Variants in SLC24A2 observed in about 807,000 individuals in gnomAD.
SLC24A2 encodes the protein sodium/potassium/calcium exchanger 2.
In SLC24A2, 36 loss-of-function variants were observed where a neutral mutation model predicts 62.0. The observed-to-expected ratio is 0.58, with a 90% confidence interval of 0.44 to 0.77. The LOEUF is 0.77. Ranked by LOEUF, SLC24A2 falls within the 30% of genes least tolerant of loss-of-function variation. The pLI is 0.00. For missense variants in SLC24A2, 846 were observed against 817.9 expected, an observed-to-expected ratio of 1.03 and a Z score of -0.42; for synonymous variants, 358 against 294.0, an observed-to-expected ratio of 1.22 and a Z score of -2.23.
chr9:19,960,757 C>T, the SLC24A2 span, among the ~76,000 whole-genome samples: 2 of 152,108 alleles, frequency 1.3e-5, no homozygotes, highest in African/African-American at 4.8e-5. Flanking sequence ...ACATAATCTC[C>T]AAGCTGTGGT....
chr9:19,847,491 G>A, the SLC24A2 span, among the ~76,000 whole-genome samples: 2,258 of 151,996 alleles, frequency 0.015, 20 homozygotes, highest in Middle Eastern at 0.045. Context: ...CTCTCTCCTG[G>A]GTTATTATTC....
At chr9:19,822,326 G>A in the SLC24A2 span, among the ~76,000 whole-genome samples, 1 of 152,104 alleles carries the variant, frequency 6.6e-6, no homozygotes, top group Non-Finnish European at 1.5e-5. Context: ...GTCACCTATG[G>A]ACCAGACAGT....
rs1823194075 is a variant in SLC24A2, at chr9:19,786,963, G to T, written c.-97C>A. ...TTACTTTATAGTTAACGATGCTTGT[G>T]GGGTACTTTCACAATCAGGGATTGT... On this transcript the variant is annotated 5_prime_UTR_variant, in exon 2 of 11. Transcript: ENST00000341998. The surrounding 1 kb of genome is among the most constrained non-coding windows in gnomAD (Gnocchi z 5.0). 1.3e-6 allele frequency: 2 copies of T among 1,516,266 alleles called. No individual in the cohort carries two copies. Among genetic ancestry groups the T allele is most frequent in the African/African-American group, 1.4e-5 (1 of 72,514 alleles). The allele number at this position is 1,516,266 out of a possible 1,614,324, so 93.9% of individuals were successfully genotyped here.
the SLC24A2 span, among the ~76,000 whole-genome samples, chr9:19,816,839 C>A: frequency 6.6e-6 from 1 of 151,834 alleles, no homozygotes; most frequent in Non-Finnish European, 1.5e-5. Context: ...AAACTCACTC[C>A]CATGATCCAA....
the SLC24A2 span, among the ~76,000 whole-genome samples, chr9:19,817,965 A>G: frequency 5.9e-5 from 9 of 152,150 alleles, no homozygotes; most frequent in African/African-American, 2.2e-4. Flanking sequence ...CTTGGCCTCA[A>G]GACATCCTCC....
At chr9:19,784,660 C>G (rs999707098) in intron 2 of SLC24A2, among the ~76,000 whole-genome samples, 3 of 152,126 alleles carry the variant, frequency 2.0e-5, no homozygotes. Flanking sequence ...AATGATGGTC[C>G]TATTTTATGC....
the SLC24A2 span, among the ~76,000 whole-genome samples, chr9:19,824,951 A>G: frequency 6.6e-6 from 1 of 152,186 alleles, no homozygotes; most frequent in Non-Finnish European, 1.5e-5. Context: ...GTTCTCACTC[A>G]TAAGTGGGAG....
chr9:20,014,833 T>C, the SLC24A2 span, among the ~76,000 whole-genome samples: 152 of 152,194 alleles, frequency 1.0e-3, 1 homozygote, highest in South Asian at 3.9e-3. Flanking sequence ...AGAGTGATTA[T>C]AGTCAATAGC....
At chr9:19,635,638 A>G (rs1036290224) in intron 2 of SLC24A2, among the ~76,000 whole-genome samples, 1 of 152,236 alleles carries the variant, frequency 6.6e-6, no homozygotes, top group Non-Finnish European at 1.5e-5. Context: ...ATTTCTCTCA[A>G]AATAATGAGA....
chr9:19,549,392 A>AAG (rs1191984311), intron 8 of SLC24A2, among the ~76,000 whole-genome samples: 2 of 152,160 alleles, frequency 1.3e-5, no homozygotes, highest in African/African-American at 4.8e-5. Flanking sequence ...CCCTTTAATC[A>AAG]AGACACACTT....
the SLC24A2 span, among the ~76,000 whole-genome samples, chr9:19,941,655 A>G: frequency 6.6e-6 from 1 of 152,198 alleles, no homozygotes; most frequent in South Asian, 2.1e-4. Flanking sequence ...TCTTCTAAAC[A>G]CATGTGGGCT....
chr9:20,002,677 C>A, the SLC24A2 span, among the ~76,000 whole-genome samples: 1 of 152,194 alleles, frequency 6.6e-6, no homozygotes, highest in African/African-American at 2.4e-5. Context: ...AAACTCCAGA[C>A]TGGTGCACTC....
At chr9:19,731,891 AC>A (rs1821349561) in intron 2 of SLC24A2, among the ~76,000 whole-genome samples, 1 of 152,168 alleles carries the variant, frequency 6.6e-6, no homozygotes, top group Non-Finnish European at 1.5e-5. Context: ...TGGCAGCGTA[AC>A]CTATACATTG....
At chr9:20,183,987 G>A in the SLC24A2 span, among the ~76,000 whole-genome samples, 2 of 152,172 alleles carry the variant, frequency 1.3e-5, no homozygotes, top group Non-Finnish European at 1.5e-5. Context: ...TACAATTACA[G>A]AATGGGAGAA....
chr9:19,529,750 CG>C (rs1459737012), intron 8 of SLC24A2, among the ~76,000 whole-genome samples: 201 of 137,238 alleles, frequency 1.5e-3, no homozygotes, highest in Non-Finnish European at 2.1e-3. Flanking sequence ...TGGAGACCTT[CG>C]TTTTTTTTTT....
intron 5 of SLC24A2, among the ~76,000 whole-genome samples, chr9:19,578,964 G>T (rs1290943754): frequency 6.6e-6 from 1 of 152,206 alleles, no homozygotes; most frequent in Non-Finnish European, 1.5e-5. Flanking sequence ...CTCAAAAGAA[G>T]TAGGAAAGGA....
intron 2 of SLC24A2, among the ~76,000 whole-genome samples, chr9:19,628,514 A>G (rs1416202722): frequency 1.3e-5 from 2 of 152,164 alleles, no homozygotes; most frequent in African/African-American, 4.8e-5. Context: ...TTCCCCTGAA[A>G]AATCCAGATG....
At chr9:20,098,894 T>C in the SLC24A2 span, among the ~76,000 whole-genome samples, 1 of 152,242 alleles carries the variant, frequency 6.6e-6, no homozygotes, top group Non-Finnish European at 1.5e-5. Context: ...GCTCATTCTC[T>C]TAGCTGTTCT....
At chr9:19,849,893 G>T in the SLC24A2 span, among the ~76,000 whole-genome samples, 49 of 152,220 alleles carry the variant, frequency 3.2e-4, no homozygotes, top group South Asian at 5.2e-3. Context: ...TTCTTTAATG[G>T]TCGTTGTGAA....
Sources: gnomAD v4.1 joint callset for allele counts (sites outside exome capture counted in the v4.1 genomes callset) on GRCh38, gnomAD v4.1.1 for gene constraint, Gnocchi (gnomAD v3.1) non-coding constraint, MANE v1.5 for transcripts, NCBI Gene and HGNC (gene_info 2026-07-23, HGNC 2026-07-21) for gene names.